The following CLDN10 variants were observed in gnomAD, a reference collection of about 807,000 sequenced individuals.
CLDN10 encodes claudin-10.
Under a neutral mutation model 22.9 loss-of-function variants are expected in CLDN10, and 15 were observed. The ratio of observed to expected loss-of-function variants is 0.65; its 90% CI spans 0.44 to 1.01. The LOEUF (loss-of-function observed/expected upper bound fraction) is 1.01. Among genes scored for constraint, CLDN10 ranks in the 50% least tolerant of loss-of-function variants. The pLI is 0.00. For missense variants in CLDN10, 247 were observed against 287.8 expected (o/e 0.86, Z 1.03); for synonymous variants, 114 against 111.4 (o/e 1.02, Z -0.15).
rs535930416 is a variant in CLDN10 at position 95,435,561 on chromosome 13, C to T, written c.214+1514C>T. 3.3e-5 allele frequency among the ~76,000 whole-genome samples: 5 copies of T among 152,266 alleles called. No individual in the cohort carries two copies. The South Asian group carries it at 1.0e-3, about 32-fold the overall frequency. ...TTTCCTAAGTACCCATTTGAGGACTCCATGCTATGTCTCTCTTCAGGGTCA... is the reference window on the plus strand; with the variant it reads ...TTTCCTAAGTACCCATTTGAGGACTTCATGCTATGTCTCTCTTCAGGGTCA... On this transcript the variant is annotated intron_variant, in intron 1 of 4. Transcript: ENST00000376873.
At chr13:95,522,929 T>C (rs1478602782) in intron 1 of CLDN10, among the ~76,000 whole-genome samples, 1 of 151,970 alleles carries the variant, frequency 6.6e-6, no homozygotes, top group Non-Finnish European at 1.5e-5. Context: ...TATCAACTTT[T>C]CTTTATCTTC....
Position 95,552,866 on chromosome 13 carries a change from C to T in CLDN10, c.113C>T (p.Thr38Met), listed in dbSNP as rs1280008667. 1 of 1,614,132 alleles carries T rather than the reference C, an allele frequency of 6.2e-7. No individual in the cohort carries two copies. Residue 38 changes from threonine (T) to methionine (M), a missense_variant, in exon 1 of 5, where the codon ACG (threonine) becomes ATG (methionine). Coordinates refer to ENST00000299339, the MANE Select transcript of CLDN10 (RefSeq NM_006984.5). ...TGGAAGGTGTCTACCATCGACGGCACGGTCATCACAACCGCCACCTATTGG... is the reference window on the plus strand; with the variant it reads ...TGGAAGGTGTCTACCATCGACGGCATGGTCATCACAACCGCCACCTATTGG... ...DYWKVSTIDGTVITTATYWAN... is the reference protein window; with the variant it reads ...DYWKVSTIDGMVITTATYWAN...
At chr13:95,540,225 G>A (rs958941602) in intron 1 of CLDN10, among the ~76,000 whole-genome samples, 8 of 152,154 alleles carry the variant, frequency 5.3e-5, no homozygotes, top group African/African-American at 9.6e-5. Flanking sequence ...GCTTGGACCC[G>A]GGAGATGGAG....
chr13:95,561,259 G>T (rs895188924), intron 3 of CLDN10, among the ~76,000 whole-genome samples: 8 of 152,238 alleles, frequency 5.3e-5, no homozygotes, highest in African/African-American at 1.9e-4. Context: ...TTTTATTTTA[G>T]ACTTCAGGTC....
intron 1 of CLDN10, among the ~76,000 whole-genome samples, chr13:95,466,876 CT>C (rs1312550565): frequency 0.011 from 1,563 of 136,840 alleles, 10 homozygotes; most frequent in African/African-American, 0.038. Flanking sequence ...ACCCCCTCTA[CT>C]TTTTTTTTTT....
At chr13:95,506,314 A>G (rs2043038271) in intron 1 of CLDN10, among the ~76,000 whole-genome samples, 1 of 152,126 alleles carries the variant, frequency 6.6e-6, no homozygotes, top group Non-Finnish European at 1.5e-5. Flanking sequence ...CCAAACAGAC[A>G]CTGAACTATG....
At chr13:95,465,203 G>A (rs2042572254) in intron 1 of CLDN10, among the ~76,000 whole-genome samples, 1 of 152,128 alleles carries the variant, frequency 6.6e-6, no homozygotes, top group Non-Finnish European at 1.5e-5. Flanking sequence ...TAAACCATCA[G>A]ATCTTGTGAG....
At position 95,447,035 on chromosome 13, in the gene CLDN10, G is replaced by T. The variant is rs1007363343; in HGVS notation, c.214+12988G>T. On this transcript the variant is annotated intron_variant, in intron 1 of 4. Transcript: ENST00000376873. ...AGGGGGATACAAGAGAACGAGTCCT[G>T]CCTTTAACTAAATTTCCTTGGGTTG... is the stretch of plus-strand genomic sequence containing the variant. Among the ~76,000 whole-genome samples, 20 of 152,156 alleles carry T rather than the reference G, an allele frequency of 1.3e-4. No individual in the cohort carries two copies. In the South Asian group the frequency reaches 4.2e-3, roughly 32 times the overall value.
intron 1 of CLDN10, among the ~76,000 whole-genome samples, chr13:95,491,309 T>G (rs1465390920): frequency 6.6e-6 from 1 of 152,024 alleles, no homozygotes; most frequent in Non-Finnish European, 1.5e-5. Flanking sequence ...TTCTTAGGTT[T>G]GGTCATTTAA....
chr13:95,495,385 C>A (rs1353553302), intron 1 of CLDN10, among the ~76,000 whole-genome samples: 2 of 151,256 alleles, frequency 1.3e-5, no homozygotes, highest in African/African-American at 4.8e-5. Context: ...CAGGACTAAA[C>A]AAGATCTTGT....
At chr13:95,532,107 G>T (rs890598427) in intron 1 of CLDN10, among the ~76,000 whole-genome samples, 8 of 152,050 alleles carry the variant, frequency 5.3e-5, no homozygotes, top group African/African-American at 1.4e-4. Context: ...GTAGGCAAAG[G>T]TTTCATAAGA....
At chr13:95,486,916 G>A (rs1030940988) in intron 1 of CLDN10, among the ~76,000 whole-genome samples, 1 of 152,160 alleles carries the variant, frequency 6.6e-6, no homozygotes, top group Non-Finnish European at 1.5e-5. Context: ...AAAATTTAAA[G>A]AAATAAGGTT....
chr13:95,454,789 C>G (rs2042466414), intron 1 of CLDN10, among the ~76,000 whole-genome samples: 1 of 152,160 alleles, frequency 6.6e-6, no homozygotes, highest in Non-Finnish European at 1.5e-5. Context: ...ACTTTATAGG[C>G]AGCTTCTGGT....
chr13:95,488,909 T>C (rs531883868), intron 1 of CLDN10, among the ~76,000 whole-genome samples: 1 of 151,850 alleles, frequency 6.6e-6, no homozygotes, highest in East Asian at 1.9e-4. Context: ...AGATACCCAG[T>C]AGTGGGATTG....
upstream of CLDN10, chr13:95,552,586 T>G: frequency 3.9e-5 from 28 of 721,352 alleles, no homozygotes; most frequent in Non-Finnish European, 5.7e-5. Context: ...GGACAGGGCA[T>G]GGGTGTGAGG....
intron 3 of CLDN10, among the ~76,000 whole-genome samples, chr13:95,568,450 A>G (rs1179143219): frequency 6.6e-6 from 1 of 151,996 alleles, no homozygotes; most frequent in African/African-American, 2.4e-5. Flanking sequence ...TGACATCATG[A>G]TTTCTGCCAG....
chr13:95,465,828 T>C (rs1489521438), intron 1 of CLDN10, among the ~76,000 whole-genome samples: 1 of 152,238 alleles, frequency 6.6e-6, no homozygotes, highest in Non-Finnish European at 1.5e-5. Flanking sequence ...TCATTATGTT[T>C]AGAGATCCTC....
intron 1 of CLDN10, among the ~76,000 whole-genome samples, chr13:95,503,100 C>T (rs773996012): frequency 3.9e-5 from 6 of 152,110 alleles, no homozygotes; most frequent in Non-Finnish European, 8.8e-5. Flanking sequence ...AATGGATTCA[C>T]AGATGGAGTC....
intron 1 of CLDN10, among the ~76,000 whole-genome samples, chr13:95,497,562 G>A (rs1198399471): frequency 1.3e-5 from 2 of 152,178 alleles, no homozygotes; most frequent in Non-Finnish European, 2.9e-5. Context: ...GATAGATTTG[G>A]ACTCGTGGTA....
Sources: allele counts gnomAD v4.1 joint callset (sites outside exome capture counted in the v4.1 genomes callset), GRCh38; gene constraint gnomAD v4.1.1; transcripts MANE v1.5; gene names NCBI Gene and HGNC (gene_info 2026-07-23, HGNC 2026-07-21).